Variants in EML4 observed in about 807,000 individuals in gnomAD.
The protein encoded by EML4 is echinoderm microtubule-associated protein-like 4.
A neutral mutation model predicts 129.0 loss-of-function variants in EML4; 72 were observed. The ratio of observed to expected loss-of-function variants is 0.56; its 90% CI spans 0.46 to 0.68. EML4 has a LOEUF of 0.68. EML4 is among the 30% of genes least tolerant of loss of function. The probability of loss-of-function intolerance (pLI) is 0.00; values close to 1 mark genes in which losing one functional copy is unlikely to be tolerated. For missense variants in EML4, 1,363 were observed against 1,190.6 expected (o/e 1.14, Z -2.13); for synonymous variants, 532 against 405.0 (o/e 1.31, Z -3.77).
intron 16 of EML4, 70 bp downstream of exon 16, chr2:42,303,516 A>G: frequency 1.9e-6 from 3 of 1,539,206 alleles, no homozygotes; most frequent in African/African-American, 1.4e-5. Context: ...GAGAGCAGCA[A>G]AGTAAAAAGG....
At chr2:42,187,709 A>G (rs1671342927) in intron 1 of EML4, among the ~76,000 whole-genome samples, 1 of 151,962 alleles carries the variant, frequency 6.6e-6, no homozygotes, top group South Asian at 2.1e-4. Context: ...TTTTGAGAGT[A>G]TTTTATATGC....
chr2:42,281,826 G>T (rs888737555), intron 7 of EML4, among the ~76,000 whole-genome samples: 4 of 152,088 alleles, frequency 2.6e-5, no homozygotes, highest in African/African-American at 9.7e-5. Context: ...AAGAAACTCA[G>T]TGAAACAGAA....
intron 1 of EML4, among the ~76,000 whole-genome samples, chr2:42,238,246 A>G (rs749765236): frequency 4.7e-4 from 72 of 152,232 alleles, no homozygotes; most frequent in Non-Finnish European, 9.4e-4. Flanking sequence ...CAATTCAGAT[A>G]AGGGATACTC....
intron 6 of EML4, among the ~76,000 whole-genome samples, chr2:42,274,503 C>G (rs10490559): frequency 0.25 from 38,541 of 151,952 alleles, 5,855 homozygotes; most frequent in East Asian, 0.56. Context: ...ATCACTGGAG[C>G]AACTGATCTT....
chr2:42,194,989 C>G (rs1178953730), intron 1 of EML4, among the ~76,000 whole-genome samples: 1 of 152,092 alleles, frequency 6.6e-6, no homozygotes, highest in African/African-American at 2.4e-5. Context: ...AAAGACTTTG[C>G]TTTATTTCCA....
At chr2:42,266,697 G>A (rs1363154077) in intron 6 of EML4, among the ~76,000 whole-genome samples, 1 of 151,510 alleles carries the variant, frequency 6.6e-6, no homozygotes, top group African/African-American at 2.4e-5. Context: ...GATAGGAAGA[G>A]CAGTGAATGG....
intron 1 of EML4, among the ~76,000 whole-genome samples, chr2:42,239,726 G>A (rs145489898): frequency 7.8e-6 from 1 of 129,006 alleles, no homozygotes; most frequent in South Asian, 2.7e-4. Flanking sequence ...AAAGGGAGGG[G>A]ATTACCATTT....
At chr2:42,291,699 C>T (rs1024397458) in intron 11 of EML4, among the ~76,000 whole-genome samples, 2 of 152,060 alleles carry the variant, frequency 1.3e-5, no homozygotes, top group African/African-American at 4.8e-5. Context: ...AGCCACCACG[C>T]CCCGCCTATC....
intron 1 of EML4, among the ~76,000 whole-genome samples, chr2:42,200,153 C>CAAAAAAAA (rs11421705): frequency 1.4e-3 from 118 of 84,348 alleles, no homozygotes; most frequent in African/African-American, 4.1e-3. Context: ...ACTAAAAATA[C>CAAAAAAAA]AAAAAAAAAA....
intron 1 of EML4, among the ~76,000 whole-genome samples, chr2:42,219,403 G>A (rs1447262768): frequency 6.6e-6 from 1 of 152,132 alleles, no homozygotes; most frequent in Non-Finnish European, 1.5e-5. Flanking sequence ...TAGGAGTCCT[G>A]TAACCACCCT....
intron 1 of EML4, among the ~76,000 whole-genome samples, chr2:42,173,154 T>G (rs1262782120): frequency 6.6e-6 from 1 of 152,236 alleles, no homozygotes; most frequent in Non-Finnish European, 1.5e-5. Flanking sequence ...AATTAGTCTT[T>G]TTAACATCAC....
intron 1 of EML4, among the ~76,000 whole-genome samples, chr2:42,226,762 G>T (rs1288013893): frequency 7.9e-5 from 12 of 152,080 alleles, no homozygotes; most frequent in African/African-American, 2.9e-4. Context: ...AAAATGCTAC[G>T]TGAGATAATG....
intron 1 of EML4, among the ~76,000 whole-genome samples, chr2:42,236,612 T>C (rs1223368478): frequency 2.6e-5 from 4 of 152,224 alleles, no homozygotes; most frequent in African/African-American, 9.6e-5. Flanking sequence ...GCCTAAAATA[T>C]TTAACTATTT....
At chr2:42,315,569 C>T (rs1178495472) in intron 17 of EML4, among the ~76,000 whole-genome samples, 1 of 152,006 alleles carries the variant, frequency 6.6e-6, no homozygotes, top group African/African-American at 2.4e-5. Context: ...ATTAAAAATT[C>T]TTAAAAGTAA....
chr2:42,281,219 C>A (rs112828938), intron 7 of EML4, among the ~76,000 whole-genome samples: 2 of 151,700 alleles, frequency 1.3e-5, no homozygotes, highest in Non-Finnish European at 2.9e-5. Context: ...TTGTGAAACC[C>A]CATCTCTACT....
At chr2:42,329,093 A>G in intron 22 of EML4, 77 bp downstream of exon 22, 6 of 1,446,006 alleles carry the variant, frequency 4.1e-6, no homozygotes, top group Non-Finnish European at 5.7e-6. Flanking sequence ...GCAAGAAAAT[A>G]TAGGTTACTG....
At position 42,282,896 on chromosome 2, in the gene EML4, G is replaced by A; in HGVS notation, c.865G>A (p.Ala289Thr). 6.2e-7 allele frequency: 1 copy of A among 1,611,548 alleles called. No individual in the cohort carries two copies. The highest frequency in any genetic ancestry group is 8.5e-7 in the Non-Finnish European group (1 of 1,177,654). Residue 289 changes from alanine to threonine, a missense_variant, in exon 8 of 23, where the codon GCA (alanine) becomes ACA (threonine). Transcript: ENST00000318522. ...LPTGKIVYFI[A>T]SVVVLFNYEE... is the part of the protein sequence containing the mutation. ...GACCGGGAAAATAGTTTATTTCATTGCATCAGTAGTAGTACTATTTAATTA... is the reference window on the plus strand; with the variant it reads ...GACCGGGAAAATAGTTTATTTCATTACATCAGTAGTAGTACTATTTAATTA...
intron 19 of EML4, among the ~76,000 whole-genome samples, chr2:42,319,164 T>G (rs1242294037): frequency 6.6e-6 from 1 of 152,234 alleles, no homozygotes; most frequent in Non-Finnish European, 1.5e-5. Flanking sequence ...TGTCATCTTG[T>G]GACGTAATGG....
intron 1 of EML4, among the ~76,000 whole-genome samples, chr2:42,216,487 T>A (rs913851709): frequency 4.0e-5 from 6 of 151,470 alleles, no homozygotes; most frequent in African/African-American, 1.5e-4. Flanking sequence ...GTGATCCACC[T>A]ATCTCGGCTT....
Sources: allele counts gnomAD v4.1 joint callset (sites outside exome capture counted in the v4.1 genomes callset), GRCh38; gene constraint gnomAD v4.1.1; transcripts MANE v1.5; gene names NCBI Gene and HGNC (gene_info 2026-07-23, HGNC 2026-07-21).